Variants in TBCEL observed in about 807,000 individuals in gnomAD.
TBCEL encodes tubulin-specific chaperone cofactor E-like protein.
Under a neutral mutation model 44.2 loss-of-function variants are expected in TBCEL, and 15 were observed. The observed-to-expected ratio is 0.34, with a 90% confidence interval of 0.23 to 0.52. The LOEUF (loss-of-function observed/expected upper bound fraction) is 0.52. TBCEL is among the 20% of genes least tolerant of loss of function. The pLI is 0.95. For missense variants in TBCEL, 319 were observed against 506.3 expected (o/e 0.63, Z 3.55); for synonymous variants, 171 against 185.4 (o/e 0.92, Z 0.63).
chr11:121,030,989 C>A (rs1945132950), intron 1 of TBCEL, among the ~76,000 whole-genome samples: 2 of 151,844 alleles, frequency 1.3e-5, no homozygotes, highest in Non-Finnish European at 2.9e-5. Context: ...AATGAACTAC[C>A]AATTGTTAAT....
At chr11:121,027,358 G>A (rs1945064436) in intron 1 of TBCEL, among the ~76,000 whole-genome samples, 1 of 152,130 alleles carries the variant, frequency 6.6e-6, no homozygotes, top group Admixed American at 6.5e-5. Context: ...TAACTGGACT[G>A]TTCCCATTGT....
At chr11:121,037,984 G>C (rs1945263292) in intron 2 of TBCEL, among the ~76,000 whole-genome samples, 1 of 150,794 alleles carries the variant, frequency 6.6e-6, no homozygotes. Flanking sequence ...TTTTTAGACG[G>C]AGTCTTGCTC....
At chr11:121,060,216 A>T (rs1459433437) in intron 8 of TBCEL, 131 bp downstream of exon 8, 2 of 643,874 alleles carry the variant, frequency 3.1e-6, no homozygotes, top group East Asian at 5.3e-5. Context: ...GTTAAAAAAA[A>T]GGAAGAAACA....
intron 1 of TBCEL, among the ~76,000 whole-genome samples, chr11:121,030,095 G>A (rs1197023717): frequency 6.6e-6 from 1 of 152,142 alleles, no homozygotes; most frequent in Non-Finnish European, 1.5e-5. Context: ...TCTTTGAGAG[G>A]GTGACATTTG....
At chr11:121,078,751 TG>T (rs1470851378) in intron 8 of TBCEL, among the ~76,000 whole-genome samples, 1 of 152,224 alleles carries the variant, frequency 6.6e-6, no homozygotes, top group African/African-American at 2.4e-5. Flanking sequence ...TTACTGCTTC[TG>T]CTGCTCTAGA....
At chr11:121,053,518 TG>T in intron 4 of TBCEL, 32 bp from the exon 5 acceptor site, 1 of 1,601,442 alleles carries the variant, frequency 6.2e-7, no homozygotes, top group Non-Finnish European at 8.5e-7. Context: ...CTCTGATTAC[TG>T]CCTGATAATG....
intron 4 of TBCEL, among the ~76,000 whole-genome samples, chr11:121,052,991 A>ATT (rs796222391): frequency 6.7e-6 from 1 of 148,558 alleles, no homozygotes; most frequent in African/African-American, 2.5e-5. Flanking sequence ...ATAGTTACGG[A>ATT]TTTTTTTTTT....
chr11:121,059,070 A>G (rs1029668618), intron 7 of TBCEL, among the ~76,000 whole-genome samples: 8 of 151,950 alleles, frequency 5.3e-5, no homozygotes, highest in African/African-American at 1.4e-4. Context: ...TGCAAGGGCC[A>G]TAGAGCTTTG....
chr11:121,025,696 G>A (rs955304156), intron 1 of TBCEL, among the ~76,000 whole-genome samples: 1 of 151,866 alleles, frequency 6.6e-6, no homozygotes, highest in Non-Finnish European at 1.5e-5. Flanking sequence ...TAAAGAGCAG[G>A]GATGATTCTA....
intron 2 of TBCEL, among the ~76,000 whole-genome samples, chr11:121,043,873 T>C (rs1438900673): frequency 5.3e-5 from 8 of 152,254 alleles, no homozygotes; most frequent in Admixed American, 3.9e-4. Flanking sequence ...AATCTTCATC[T>C]TTAGCTCATT....
rs780853136 is a variant in TBCEL at position 121,058,467 on chromosome 11, G to T, written c.835G>T (p.Ala279Ser). 6.2e-7 allele frequency: 1 copy of T among 1,611,292 alleles called. No homozygotes were observed. Among genetic ancestry groups the T allele is most frequent in the South Asian group, 1.1e-5 (1 of 91,010 alleles). The change falls in exon 7 of 9, where the codon GCC becomes TCC. Residue 279 changes from alanine (A) to serine (S), a missense_variant. Coordinates refer to ENST00000683345, the MANE Select transcript of TBCEL (RefSeq NM_001363644.2). ...CGAGGAGCGAAGGAAATTGGTAATA[G>T]CCAGGTCTGTTGTCCTGATCGTTTT... ...TTEERRKLVI[A>S]RLPSVSKLNG...
At chr11:121,084,360 C>A (rs1021841779) in intron 8 of TBCEL, among the ~76,000 whole-genome samples, 3 of 152,002 alleles carry the variant, frequency 2.0e-5, no homozygotes, top group Admixed American at 2.0e-4. Flanking sequence ...TGTCTTTGAG[C>A]GCTGGTTTTT....
intron 6 of TBCEL, chr11:121,057,604 G>A (rs1435202629): frequency 2.0e-5 from 9 of 454,750 alleles, no homozygotes; most frequent in Non-Finnish European, 3.5e-5. Context: ...GAAAATACAT[G>A]GGGAAGAAGG....
intron 8 of TBCEL, among the ~76,000 whole-genome samples, chr11:121,082,929 C>G (rs904269988): frequency 1.3e-5 from 2 of 152,200 alleles, no homozygotes; most frequent in African/African-American, 4.8e-5. Context: ...GTCCTTGACT[C>G]TAGAAACAGA....
At chr11:121,067,757 T>C (rs1945847675) in intron 8 of TBCEL, among the ~76,000 whole-genome samples, 1 of 152,230 alleles carries the variant, frequency 6.6e-6, no homozygotes, top group African/African-American at 2.4e-5. Flanking sequence ...GGGCTGGTCA[T>C]ATTTCAGTTA....
At chr11:121,052,604 A>C (rs186961916) in intron 4 of TBCEL, among the ~76,000 whole-genome samples, 3 of 151,970 alleles carry the variant, frequency 2.0e-5, no homozygotes, top group Admixed American at 1.3e-4. Context: ...CATTTATTTC[A>C]TACTTGTTTA....
At chr11:121,064,001 G>A (rs1045058574) in intron 8 of TBCEL, among the ~76,000 whole-genome samples, 1 of 152,152 alleles carries the variant, frequency 6.6e-6, no homozygotes, top group East Asian at 1.9e-4. Flanking sequence ...TATCTTAGCT[G>A]ACAAGCTCAT....
At chr11:121,049,745 C>T (rs968326366) in intron 4 of TBCEL, among the ~76,000 whole-genome samples, 2 of 151,660 alleles carry the variant, frequency 1.3e-5, no homozygotes, top group African/African-American at 2.4e-5. Context: ...TAAGCTTTTG[C>T]TAATTGGTGG....
chr11:121,042,808 C>A (rs1945357795), intron 2 of TBCEL, among the ~76,000 whole-genome samples: 1 of 151,990 alleles, frequency 6.6e-6, no homozygotes, highest in African/African-American at 2.4e-5. Flanking sequence ...ATACTTTTTT[C>A]AAATTCTTAT....
Sources: allele counts gnomAD v4.1 joint callset (sites outside exome capture counted in the v4.1 genomes callset), GRCh38; gene constraint gnomAD v4.1.1; transcripts MANE v1.5; gene names NCBI Gene and HGNC (gene_info 2026-07-23, HGNC 2026-07-21).